DNAJC1: variants seen among roughly 807,000 people sequenced by gnomAD.
The protein encoded by DNAJC1 is DnaJ heat shock protein family (Hsp40) member C1.
DNAJC1 carries 58 observed loss-of-function variants against 76.6 expected under a neutral mutation model. The observed-to-expected ratio is 0.76, with a 90% CI of 0.61 to 0.94. The LOEUF (loss-of-function observed/expected upper bound fraction) is 0.94, where lower values mean the gene tolerates loss of function less well. Ranked by LOEUF, DNAJC1 falls within the 40% of genes least tolerant of loss-of-function variation. The probability of loss-of-function intolerance (pLI) is 0.00; values close to 1 mark genes in which losing one functional copy is unlikely to be tolerated. For synonymous variants in DNAJC1, 258 were observed against 267.9 expected, an observed-to-expected ratio of 0.96 and a Z score of 0.36; for missense variants, 689 against 677.3, an observed-to-expected ratio of 1.02 and a Z score of -0.19.
intron 8 of DNAJC1, among the ~76,000 whole-genome samples, chr10:21,842,902 A>C (rs79577597): frequency 0.036 from 5,409 of 152,324 alleles, 170 homozygotes; most frequent in African/African-American, 0.07. Context: ...TCATGAGAGC[A>C]GGGGTCATTA....
At chr10:21,942,222 A>G (rs778672150) in intron 1 of DNAJC1, among the ~76,000 whole-genome samples, 6 of 152,186 alleles carry the variant, frequency 3.9e-5, no homozygotes, top group Non-Finnish European at 8.8e-5. Flanking sequence ...AAAGGTCAAA[A>G]GCAAGTAATA....
At chr10:21,980,104 T>C (rs1408993159) in intron 1 of DNAJC1, among the ~76,000 whole-genome samples, 1 of 152,058 alleles carries the variant, frequency 6.6e-6, no homozygotes, top group East Asian at 1.9e-4. Flanking sequence ...TATTATTAGC[T>C]ACAAATATCT....
chr10:21,897,016 G>A (rs1032989462), intron 7 of DNAJC1, among the ~76,000 whole-genome samples: 5 of 152,144 alleles, frequency 3.3e-5, no homozygotes, highest in Admixed American at 2.6e-4. Flanking sequence ...AGAAACCTTT[G>A]CCAGACACCA....
intron 8 of DNAJC1, among the ~76,000 whole-genome samples, chr10:21,858,676 T>C (rs894459768): frequency 1.3e-5 from 2 of 152,222 alleles, no homozygotes; most frequent in Non-Finnish European, 2.9e-5. Flanking sequence ...TTATTTCTTA[T>C]TTAATTCATT....
At chr10:21,816,274 T>G (rs1259406292) in intron 8 of DNAJC1, among the ~76,000 whole-genome samples, 2 of 151,676 alleles carry the variant, frequency 1.3e-5, no homozygotes, top group Admixed American at 1.3e-4. Flanking sequence ...GCAGGAGAAT[T>G]GCTGGAACCA....
intron 8 of DNAJC1, among the ~76,000 whole-genome samples, chr10:21,813,168 CT>C: frequency 6.0e-5 from 4 of 66,860 alleles, no homozygotes; most frequent in African/African-American, 1.5e-4. Flanking sequence ...CTCTCTCTCT[CT>C]CTCTCCCTCT....
At chr10:21,770,647 C>A (rs1485919294) in intron 9 of DNAJC1, among the ~76,000 whole-genome samples, 6 of 152,266 alleles carry the variant, frequency 3.9e-5, no homozygotes, top group African/African-American at 1.4e-4. Flanking sequence ...GATCCGCCCG[C>A]CTCGGCCTCC....
At chr10:21,862,488 G>T (rs532555554) in intron 8 of DNAJC1, among the ~76,000 whole-genome samples, 1 of 145,374 alleles carries the variant, frequency 6.9e-6, no homozygotes, top group Non-Finnish European at 1.5e-5. Context: ...GAGTGCAGTC[G>T]TGTGATCTTG....
At position 21,960,164 on chromosome 10, in the gene DNAJC1, C is replaced by T. The variant is rs537849225; in HGVS notation, c.223-31023G>A. Among the ~76,000 whole-genome samples the T allele has an allele frequency of 2.6e-5, 4 of 152,306 alleles. No individual in the cohort carries two copies. In the South Asian group the frequency reaches 8.3e-4, roughly 32 times the overall value. On this transcript the variant is annotated intron_variant, in intron 1 of 11. Coordinates refer to ENST00000376980, the MANE Select transcript of DNAJC1 (RefSeq NM_022365.4). ...ACAAAAAACAGATGCAGTTAAAAGCCTCCAATGGTTTTCCATTTTACTCAG... is the reference window on the plus strand; with the variant it reads ...ACAAAAAACAGATGCAGTTAAAAGCTTCCAATGGTTTTCCATTTTACTCAG...
intron 10 of DNAJC1, among the ~76,000 whole-genome samples, chr10:21,763,106 GTT>G (rs1383082927): frequency 1.3e-5 from 2 of 152,000 alleles, no homozygotes; most frequent in Non-Finnish European, 2.9e-5. Flanking sequence ...AATTTTTGTA[GTT>G]TTAGTAGAGA....
chr10:21,826,237 C>CAAAA (rs538301271), intron 8 of DNAJC1, among the ~76,000 whole-genome samples: 2 of 77,492 alleles, frequency 2.6e-5, no homozygotes, highest in Non-Finnish European at 4.5e-5. Flanking sequence ...AGACTTTGTC[C>CAAAA]AAAAAAAAAA....
chr10:21,846,262 C>T lies in DNAJC1; in HGVS notation c.978+36020G>A, dbSNP rs191439047. Among the ~76,000 whole-genome samples the T allele has an allele frequency of 3.2e-4, 49 of 152,210 alleles. 1 individual carries two copies. Among genetic ancestry groups the T allele is most frequent in the Admixed American group, 9.8e-4 (15 of 15,286 alleles). On this transcript the variant is annotated intron_variant, in intron 8 of 11. Transcript: ENST00000376980. ...TAATAAATAATAAACAAACATTAAC[C>T]GCTATTACTATCATCCTCTTTTAAT...
At chr10:21,856,110 A>G (rs1411904208) in intron 8 of DNAJC1, among the ~76,000 whole-genome samples, 1 of 152,188 alleles carries the variant, frequency 6.6e-6, no homozygotes, top group Non-Finnish European at 1.5e-5. Context: ...AATTTTATAC[A>G]TTCTCCTGAA....
intron 9 of DNAJC1, among the ~76,000 whole-genome samples, chr10:21,789,121 C>T (rs1192238125): frequency 6.6e-6 from 1 of 152,142 alleles, no homozygotes; most frequent in African/African-American, 2.4e-5. Flanking sequence ...GAGGGATCCC[C>T]TTGGCTAGGT....
chr10:21,935,300 AC>A (rs1837293119), intron 1 of DNAJC1, among the ~76,000 whole-genome samples: 3 of 152,292 alleles, frequency 2.0e-5, no homozygotes, highest in Non-Finnish European at 4.4e-5. Context: ...CTTTAAAAAA[AC>A]AAAACAGAAA....
intron 9 of DNAJC1, among the ~76,000 whole-genome samples, chr10:21,799,205 C>T (rs1271904843): frequency 2.6e-5 from 4 of 152,182 alleles, no homozygotes; most frequent in Non-Finnish European, 4.4e-5. Flanking sequence ...TACCAATCTA[C>T]TCTGTAGTAT....
At chr10:21,834,147 C>T (rs1388825244) in intron 8 of DNAJC1, among the ~76,000 whole-genome samples, 1 of 151,980 alleles carries the variant, frequency 6.6e-6, no homozygotes, top group Non-Finnish European at 1.5e-5. Context: ...GCCTGTAGTC[C>T]CAGCTACTCG....
At chr10:21,896,701 A>G (rs1836549600) in intron 7 of DNAJC1, among the ~76,000 whole-genome samples, 1 of 152,022 alleles carries the variant, frequency 6.6e-6, no homozygotes, top group Non-Finnish European at 1.5e-5. Context: ...TTTAATTAAT[A>G]TGTTTTGTAT....
At chr10:21,876,871 C>T (rs1836196961) in intron 8 of DNAJC1, among the ~76,000 whole-genome samples, 1 of 152,170 alleles carries the variant, frequency 6.6e-6, no homozygotes, top group Non-Finnish European at 1.5e-5. Flanking sequence ...TTGATCACTA[C>T]TTAATGCCAA....
Sources: gnomAD v4.1 joint callset for allele counts (sites outside exome capture counted in the v4.1 genomes callset) on GRCh38, gnomAD v4.1.1 for gene constraint, MANE v1.5 for transcripts, NCBI Gene and HGNC (gene_info 2026-07-23, HGNC 2026-07-21) for gene names.